SLC38A6: variants seen among roughly 807,000 people sequenced by gnomAD.
SLC38A6 encodes N system amino acid transporter NAT-1.
A neutral mutation model predicts 65.0 loss-of-function variants in SLC38A6; 73 were observed. The observed-to-expected ratio is 1.12, with a 90% confidence interval of 0.93 to 1.37. The LOEUF is 1.37. Ranked by LOEUF, SLC38A6 falls within the 40% of genes most tolerant of loss-of-function variation. SLC38A6 has a pLI of 0.00. For synonymous variants in SLC38A6, 183 were observed against 178.8 expected, an observed-to-expected ratio of 1.02 and a Z score of -0.19; for missense variants, 561 against 531.1, an observed-to-expected ratio of 1.06 and a Z score of -0.55.
chr14:61,018,748 T>G (rs1017639707), intron 4 of SLC38A6, among the ~76,000 whole-genome samples: 6 of 152,238 alleles, frequency 3.9e-5, no homozygotes, highest in African/African-American at 7.2e-5. Flanking sequence ...AATTTAGTCC[T>G]CAGGCACATT....
chr14:61,031,694 T>C (rs1454754170), intron 6 of SLC38A6, among the ~76,000 whole-genome samples: 1 of 148,288 alleles, frequency 6.7e-6, no homozygotes, highest in East Asian at 1.9e-4. Context: ...AAACAATTCC[T>C]ATAAGAAATA....
chr14:61,052,100 A>G lies in SLC38A6; in HGVS notation c.1255A>G (p.Ser419Gly). 1.3e-6 allele frequency: 2 copies of G among 1,570,594 alleles called. No homozygotes were observed. Among genetic ancestry groups the G allele is most frequent in the African/African-American group, 2.8e-5 (2 of 71,918 alleles). ...IFPGLFYLKL[S>G]REDFLSWKKL... ...CCCAGGACTATTTTATCTTAAACTT[A>G]GCAGAGAGGATTTTCTGTCATGGAA... Residue 419 changes from serine to glycine, a missense_variant, in exon 15 of 16, where the codon AGC becomes GGC. Physicochemically the swap from Ser to Gly is moderately conservative, Grantham distance 56. Coordinates refer to ENST00000267488, the MANE Select transcript of SLC38A6 (RefSeq NM_153811.3).
chr14:60,988,805 A>G (rs895603978), intron 3 of SLC38A6, among the ~76,000 whole-genome samples: 1 of 152,184 alleles, frequency 6.6e-6, no homozygotes, highest in Admixed American at 6.5e-5. Flanking sequence ...TTGAACCATC[A>G]TATTTCCCTG....
intron 3 of SLC38A6, among the ~76,000 whole-genome samples, chr14:61,005,814 C>T (rs1430431890): frequency 2.0e-5 from 3 of 152,160 alleles, no homozygotes; most frequent in Non-Finnish European, 2.9e-5. Flanking sequence ...ACTTTCTTCA[C>T]AGAGTTGGAA....
chr14:61,069,305 A>G (rs1230159176), intron 15 of SLC38A6, among the ~76,000 whole-genome samples: 2 of 152,020 alleles, frequency 1.3e-5, no homozygotes, highest in South Asian at 4.2e-4. Context: ...TCAAGAACCT[A>G]TAATGGCTCA....
chr14:61,002,334 T>C (rs111386232), intron 3 of SLC38A6: 1 of 148,916 alleles, frequency 6.7e-6, no homozygotes, highest in Non-Finnish European at 1.5e-5. Flanking sequence ...GGGCAAATAA[T>C]ACAAAAAAAA....
At chr14:60,982,196 C>G in intron 1 of SLC38A6, 1 of 476,872 alleles carries the variant, frequency 2.1e-6, no homozygotes. Context: ...TCCCTCCTCT[C>G]TCTCCCCACT....
chr14:61,047,143 C>T (rs935571891), intron 12 of SLC38A6, among the ~76,000 whole-genome samples: 1 of 152,048 alleles, frequency 6.6e-6, no homozygotes, highest in Non-Finnish European at 1.5e-5. Flanking sequence ...ATTTAGGGAT[C>T]TTCAGCAATA....
rs1308370722 is a variant in SLC38A6 at position 61,019,575 on chromosome 14, T to C, written c.398T>C (p.Ile133Thr). 4.3e-6 allele frequency: 7 copies of C among 1,613,458 alleles called. No homozygotes were observed. The highest frequency in any genetic ancestry group is 5.9e-6 in the Non-Finnish European group (7 of 1,179,508). The stretch of plus-strand genomic sequence containing the variant: ...GCAGGCACCATAATAATTCAGAATA[T>C]TGGAGGTAAGCAATTGCAAGTGCAC... Reference protein sequence around the residue: ...VVAGTIIIQNIGAMSSYLLII... With the variant: ...VVAGTIIIQNTGAMSSYLLII... The change falls in exon 5 of 16, where the codon ATT (isoleucine) becomes ACT (threonine). Residue 133 changes from isoleucine (I) to threonine (T), a missense_variant. Ile to Thr is a moderately conservative substitution (Grantham distance 89). Transcript: ENST00000267488.
downstream of SLC38A6, among the ~76,000 whole-genome samples, chr14:61,054,630 G>T (rs890321849): frequency 1.3e-5 from 2 of 151,962 alleles, no homozygotes; most frequent in African/African-American, 2.4e-5. Flanking sequence ...TATTCTTTTT[G>T]TGGCAATTGT....
intron 3 of SLC38A6, among the ~76,000 whole-genome samples, chr14:60,999,614 A>G (rs1322702630): frequency 6.6e-6 from 1 of 152,204 alleles, no homozygotes; most frequent in Non-Finnish European, 1.5e-5. Flanking sequence ...CTTATATGGC[A>G]AAAAAGAACT....
chr14:61,065,045 A>G (rs1026336524), intron 15 of SLC38A6, among the ~76,000 whole-genome samples: 3 of 152,162 alleles, frequency 2.0e-5, no homozygotes, highest in Non-Finnish European at 4.4e-5. Flanking sequence ...CAGAGAAAAC[A>G]AGACAGCAGT....
chr14:61,083,321 CT>C (rs2043729783), intron 16 of SLC38A6, among the ~76,000 whole-genome samples: 1 of 152,330 alleles, frequency 6.6e-6, no homozygotes, highest in Admixed American at 6.5e-5. Flanking sequence ...GTTCTGGGTT[CT>C]GGAAACCTCC....
At chr14:61,044,169 C>T (rs1248314440) in intron 10 of SLC38A6, among the ~76,000 whole-genome samples, 2 of 152,172 alleles carry the variant, frequency 1.3e-5, no homozygotes, top group Non-Finnish European at 2.9e-5. Context: ...GCTTATTTGT[C>T]TATACTTTCT....
At chr14:61,010,786 C>A (rs2039501666) in intron 3 of SLC38A6, among the ~76,000 whole-genome samples, 1 of 152,134 alleles carries the variant, frequency 6.6e-6, no homozygotes, top group Non-Finnish European at 1.5e-5. Flanking sequence ...GTTACTGTAG[C>A]CTCGTAGTAT....
At chr14:61,020,766 G>A (rs1595108686) in intron 5 of SLC38A6, among the ~76,000 whole-genome samples, 1 of 152,000 alleles carries the variant, frequency 6.6e-6, no homozygotes, top group Admixed American at 6.6e-5. Context: ...AATTTATTTA[G>A]CAACTAAGTA....
chr14:61,042,361 T>C (rs1472997630), intron 8 of SLC38A6, among the ~76,000 whole-genome samples: 2 of 152,224 alleles, frequency 1.3e-5, no homozygotes, highest in Non-Finnish European at 2.9e-5. Flanking sequence ...TGTCCTTTTG[T>C]GCACTGGGAT....
At chr14:61,040,830 CT>C (rs2041758746) in intron 8 of SLC38A6, among the ~76,000 whole-genome samples, 2 of 152,282 alleles carry the variant, frequency 1.3e-5, no homozygotes, top group South Asian at 4.1e-4. Context: ...TTTGCTTCTA[CT>C]GAACACTATG....
chr14:61,015,851 C>T, intron 3 of SLC38A6, 53 bp from the exon 4 acceptor site: 1 of 1,431,838 alleles, frequency 7.0e-7, no homozygotes, highest in Non-Finnish European at 9.6e-7. Flanking sequence ...TCTTTAGGAC[C>T]TGACACATAA....
Sources: gnomAD v4.1 joint callset for allele counts (sites outside exome capture counted in the v4.1 genomes callset) on GRCh38, gnomAD v4.1.1 for gene constraint, MANE v1.5 for transcripts, NCBI Gene and HGNC (gene_info 2026-07-23, HGNC 2026-07-21) for gene names.